The following MYBPC2 variants were observed in gnomAD, a reference collection of about 807,000 sequenced individuals.
MYBPC2 encodes the protein myosin-binding protein C, fast-type.
Under a neutral mutation model 137.0 loss-of-function variants are expected in MYBPC2, and 122 were observed. The observed-to-expected ratio is 0.89, with a 90% CI of 0.77 to 1.03. The LOEUF (loss-of-function observed/expected upper bound fraction) is 1.03. MYBPC2 is among the 50% of genes least tolerant of loss of function. The pLI is 0.00. For synonymous variants in MYBPC2, 626 were observed against 612.3 expected (o/e 1.02, Z -0.33); for missense variants, 1,500 against 1,534.4 (o/e 0.98, Z 0.37).
chr19:50,439,538 G>A (rs2039732883), intron 7 of MYBPC2, among the ~76,000 whole-genome samples: 1 of 148,008 alleles, frequency 6.8e-6, no homozygotes. Flanking sequence ...TAGGTCCTGG[G>A]CTGAGATCCA....
chr19:50,454,026 A>G lies in MYBPC2; in HGVS notation c.1756A>G (p.Thr586Ala). The change falls in exon 17 of 28, where the codon ACG (threonine) becomes GCG (alanine). Residue 586 changes from threonine to alanine, a missense_variant. Thr to Ala is a moderately conservative substitution (Grantham distance 58). Coordinates refer to ENST00000357701, the MANE Select transcript of MYBPC2 (RefSeq NM_004533.4). ...ATCTGGTGGCTGCGTTCAGGTATTC[A>G]CGACCACCGAGGGCAGGACCCGCAT... ...ATWLKGDEVF[T>A]TTEGRTRIEK... 1 of 1,596,966 alleles carries G rather than the reference A, an allele frequency of 6.3e-7. No homozygotes were observed. The highest frequency in any genetic ancestry group is 8.5e-7 in the Non-Finnish European group (1 of 1,172,954).
chr19:50,450,770 C>T, intron 13 of MYBPC2, 59 bp from the exon 14 acceptor site: 1 of 1,258,524 alleles, frequency 7.9e-7, no homozygotes. Context: ...GGCGGTGCAG[C>T]CCCATAGTGG....
chr19:50,464,143 C>A (rs1601300473), intron 26 of MYBPC2: 1 of 512,456 alleles, frequency 2.0e-6, no homozygotes, highest in Non-Finnish European at 3.5e-6. Flanking sequence ...ATGGGAAGAC[C>A]CCACCGTTAC....
chr19:50,446,311 G>C (rs2039805455), intron 12 of MYBPC2, among the ~76,000 whole-genome samples: 1 of 152,068 alleles, frequency 6.6e-6, no homozygotes, highest in East Asian at 1.9e-4. Flanking sequence ...AGGAGTTCGA[G>C]ACCAGCCTGG....
At chr19:50,436,901 C>A (rs914245458) in intron 5 of MYBPC2, among the ~76,000 whole-genome samples, 167 bp downstream of exon 5, 9 of 151,996 alleles carry the variant, frequency 5.9e-5, no homozygotes, top group Admixed American at 5.2e-4. Context: ...CTCAAGGAGA[C>A]ATAGCATGGG....
In MYBPC2 at chr19:50,448,305, T is replaced by C; in HGVS notation, c.1387T>C (p.Ser463Pro). ...ACAAGCTGTGTTCAAGTGCGAGGTGTCTGATGAGAAAGTGACGGGCAAGTG... is the reference window on the plus strand; with the variant it reads ...ACAAGCTGTGTTCAAGTGCGAGGTGCCTGATGAGAAAGTGACGGGCAAGTG... ...SEQAVFKCEVSDEKVTGKWYK... is the reference protein window; with the variant it reads ...SEQAVFKCEVPDEKVTGKWYK... The change falls in exon 13 of 28, where the codon TCT becomes CCT. Residue 463 changes from serine to proline, a missense_variant. Coordinates refer to ENST00000357701, the MANE Select transcript of MYBPC2 (RefSeq NM_004533.4). 1.9e-6 allele frequency: 3 copies of C among 1,613,810 alleles called. No individual in the cohort carries two copies. Among genetic ancestry groups the C allele is most frequent in the Non-Finnish European group, 2.5e-6 (3 of 1,179,808 alleles).
rs1485998365 is a variant in MYBPC2, at chr19:50,435,754, C to T, written c.110-22C>T. On this transcript the variant is annotated intron_variant, in intron 2 of 27. Coordinates refer to ENST00000357701, the MANE Select transcript of MYBPC2 (RefSeq NM_004533.4). This position sits in a 1 kb window ranked among gnomAD's most constrained non-coding sequence, Gnocchi z 4.8. ...CCCAGCCTATCTCAGACCTCCTCAT[C>T]CTAATCCTGTCCCCTGAACAGAAGC... 1 of 1,589,150 alleles carries T rather than the reference C, an allele frequency of 6.3e-7. No individual in the cohort carries two copies. The highest frequency in any genetic ancestry group is 1.3e-5 in the African/African-American group (1 of 74,390).
intron 15 of MYBPC2, 32 bp downstream of exon 15, chr19:50,451,341 C>G: frequency 6.2e-7 from 1 of 1,610,848 alleles, no homozygotes; most frequent in Admixed American, 1.7e-5. Context: ...GGGAGCGGGT[C>G]TGAGGGAGGA....
rs1271151453 is a variant in MYBPC2, at chr19:50,451,891, C to T, written c.1637C>T (p.Ser546Leu). The T allele has an allele frequency of 1.3e-5, 20 of 1,591,006 alleles. No homozygotes were observed. The highest frequency in any genetic ancestry group is 8.8e-5 in the Admixed American group (5 of 56,554). ...CCACCAAAGATCCACTTGGATTGCT[C>T]GGGGAAGACCTCAGAGAATGCGATT... ...QEPPKIHLDC[S>L]GKTSENAIVV... is the part of the protein sequence containing the mutation. Residue 546 changes from serine (S) to leucine (L), a missense_variant, in exon 16 of 28, where the codon TCG (serine) becomes TTG (leucine). Physicochemically the swap from Ser to Leu is moderately radical, Grantham distance 145. Coordinates refer to ENST00000357701, the MANE Select transcript of MYBPC2 (RefSeq NM_004533.4).
chr19:50,444,089 C>G (rs1364685104), intron 11 of MYBPC2, among the ~76,000 whole-genome samples: 1 of 152,174 alleles, frequency 6.6e-6, no homozygotes, highest in Non-Finnish European at 1.5e-5. Flanking sequence ...GACCAATTAT[C>G]TATTCCTTGG....
Position 50,454,293 on chromosome 19 carries a change from C to T in MYBPC2, c.1938C>T (p.Arg646=), listed in dbSNP as rs745333174. The part of the protein sequence containing the change: ...VDVPDPPEAV[R]ITSVGEDWAI... The stretch of plus-strand genomic sequence containing the variant: ...TCCCAGACCCCCCGGAGGCTGTGCG[C>T]ATCACCTCGGTTGGAGAGGATTGGG... Residue 646 remains arginine, a synonymous_variant, in exon 18 of 28, where the codon CGC becomes CGT. Coordinates refer to ENST00000357701, the MANE Select transcript of MYBPC2 (RefSeq NM_004533.4). The T allele has an allele frequency of 1.3e-5, 21 of 1,613,826 alleles. No individual in the cohort carries two copies. In the African/African-American group the frequency reaches 2.8e-4, roughly 22 times the overall value.
At chr19:50,436,295 A>T in intron 4 of MYBPC2, 135 bp downstream of exon 4, 1 of 1,374,134 alleles carries the variant, frequency 7.3e-7, no homozygotes, top group Non-Finnish European at 9.7e-7. Context: ...CTGAGGATGG[A>T]GGTTGTGCGG....
intron 12 of MYBPC2, among the ~76,000 whole-genome samples, chr19:50,447,643 AGGTCAGGAGTTCAAG>A: frequency 6.6e-6 from 1 of 152,160 alleles, no homozygotes; most frequent in Middle Eastern, 3.4e-3. Flanking sequence ...GGATCACCTG[AGGTCAGGAGTTCAAG>A]ACCAGCCTGG....
rs1233704931 is a variant in MYBPC2 at position 50,461,504 on chromosome 19, GC to G, written c.2932-34del. The G allele has an allele frequency of 5.0e-6, 8 of 1,600,530 alleles. No individual in the cohort carries two copies. In the Admixed American group the frequency reaches 1.4e-4, roughly 27 times the overall value. On this transcript the variant is annotated intron_variant, in intron 24 of 27. Transcript: ENST00000357701. ...TTGTGTGTAATCGTGTGATCCTGTG[GC>G]CCCGACCCGCCTGGTCCCTCCCTGT...
intron 11 of MYBPC2, 23 bp from the exon 12 acceptor site, chr19:50,445,857 C>T (rs1404731514): frequency 1.1e-5 from 17 of 1,586,528 alleles, no homozygotes; most frequent in Admixed American, 3.6e-5. Flanking sequence ...CCTCACATCC[C>T]GTTCTGTGTC....
chr19:50,449,104 T>C (rs2039833770), intron 13 of MYBPC2, among the ~76,000 whole-genome samples: 1 of 152,126 alleles, frequency 6.6e-6, no homozygotes, highest in South Asian at 2.1e-4. Context: ...ATCTTGGCAC[T>C]TTGGGAGGCC....
intron 20 of MYBPC2, among the ~76,000 whole-genome samples, chr19:50,457,383 G>A (rs1011092589): frequency 1.3e-5 from 2 of 152,210 alleles, no homozygotes; most frequent in African/African-American, 4.8e-5. Flanking sequence ...AGAAGGGCAT[G>A]TAACGAAAAG....
Position 50,435,934 on chromosome 19 carries a change from C to G in MYBPC2, c.196+72C>G, listed in dbSNP as rs537993287. The G allele has an allele frequency of 1.7e-5, 27 of 1,548,246 alleles. No homozygotes were observed. The Middle Eastern group carries it at 6.8e-4, about 39-fold the overall frequency. On this transcript the variant is annotated intron_variant, in intron 3 of 27. Transcript: ENST00000357701. This position sits in a 1 kb window ranked among gnomAD's most constrained non-coding sequence, Gnocchi z 4.8. Reference sequence around the variant, plus strand: ...TCTGAGGGAGGAGGGGCCAGGGTCTCGTTCTGTCTCCCTCTGGAGAGCCTT... The same window carrying G: ...TCTGAGGGAGGAGGGGCCAGGGTCTGGTTCTGTCTCCCTCTGGAGAGCCTT...
chr19:50,459,406 A>T (rs1337503486), intron 23 of MYBPC2, 100 bp downstream of exon 23: 24 of 566,758 alleles, frequency 4.2e-5, no homozygotes, highest in African/African-American at 1.3e-4. Flanking sequence ...GAGGTGGGAG[A>T]TGAAGGGTGG....
Sources: allele counts gnomAD v4.1 joint callset (sites outside exome capture counted in the v4.1 genomes callset), GRCh38; gene constraint gnomAD v4.1.1; non-coding constraint Gnocchi (gnomAD v3.1); transcripts MANE v1.5; gene names NCBI Gene and HGNC (gene_info 2026-07-23, HGNC 2026-07-21).